Variants in ADAMTSL3 observed in about 807,000 individuals in gnomAD.
The protein encoded by ADAMTSL3 is ADAMTS-like protein 3.
ADAMTSL3 carries 128 observed loss-of-function variants against 201.7 expected under a neutral mutation model. The observed-to-expected ratio is 0.63, with a 90% confidence interval of 0.55 to 0.73. ADAMTSL3 has a LOEUF of 0.73. ADAMTSL3 is among the 30% of genes least tolerant of loss of function. The pLI, the probability that ADAMTSL3 is intolerant of heterozygous loss-of-function variation, is 0.00. For synonymous variants in ADAMTSL3, 738 were observed against 748.4 expected (o/e 0.99, Z 0.23); for missense variants, 1,990 against 2,119.6 (o/e 0.94, Z 1.20).
chr15:83,804,147 A>G (rs576597458), intron 4 of ADAMTSL3, among the ~76,000 whole-genome samples: 259 of 152,284 alleles, frequency 1.7e-3, no homozygotes, highest in African/African-American at 5.9e-3. Flanking sequence ...TGTCTCAAAA[A>G]AAAAAGGAAG....
chr15:83,776,035 A>C (rs952190101), intron 4 of ADAMTSL3, among the ~76,000 whole-genome samples: 2 of 152,074 alleles, frequency 1.3e-5, no homozygotes, highest in African/African-American at 4.8e-5. Flanking sequence ...TGCAACACCT[A>C]CTCTGCTTAC....
At chr15:83,925,727 G>C (rs553146613) in intron 17 of ADAMTSL3, among the ~76,000 whole-genome samples, 1 of 152,290 alleles carries the variant, frequency 6.6e-6, no homozygotes, top group Non-Finnish European at 1.5e-5. Context: ...TTGTGTAATG[G>C]CACGTAGTAA....
chr15:83,866,976 A>G (rs1389238516), intron 8 of ADAMTSL3, among the ~76,000 whole-genome samples: 1 of 152,196 alleles, frequency 6.6e-6, no homozygotes, highest in Non-Finnish European at 1.5e-5. Context: ...TATTTCTGAA[A>G]GTTATCCTTC....
intron 23 of ADAMTSL3, among the ~76,000 whole-genome samples, chr15:84,001,973 A>G (rs1416070018): frequency 6.6e-6 from 1 of 152,142 alleles, no homozygotes; most frequent in Non-Finnish European, 1.5e-5. Context: ...TTTGCCCCAA[A>G]TCTCTTTGGA....
intron 14 of ADAMTSL3, 102 bp from the exon 15 acceptor site, chr15:83,899,545 T>G: frequency 8.6e-7 from 1 of 1,163,856 alleles, no homozygotes; most frequent in East Asian, 2.6e-5. Flanking sequence ...TTGAAAAACA[T>G]GACCTCTTTA....
At chr15:84,018,326 A>G (rs2068125250) in intron 25 of ADAMTSL3, among the ~76,000 whole-genome samples, 1 of 152,242 alleles carries the variant, frequency 6.6e-6, no homozygotes, top group African/African-American at 2.4e-5. Flanking sequence ...TATTAATTTA[A>G]CAAATACTGC....
At chr15:83,774,848 A>T (rs116260989) in intron 4 of ADAMTSL3, among the ~76,000 whole-genome samples, 2,460 of 144,716 alleles carry the variant, frequency 0.017, 50 homozygotes, top group African/African-American at 0.058. Flanking sequence ...CAAGGGGAGG[A>T]GGCTTTTTTT....
chr15:83,947,518 G>A (rs899533852), intron 19 of ADAMTSL3, among the ~76,000 whole-genome samples: 4 of 152,184 alleles, frequency 2.6e-5, no homozygotes, highest in Non-Finnish European at 4.4e-5. Context: ...CTTCCCAAAT[G>A]GTGAATTTCT....
chr15:83,655,855 G>A, intron 2 of ADAMTSL3, 25 bp downstream of exon 2: 1 of 1,604,536 alleles, frequency 6.2e-7, no homozygotes, highest in Non-Finnish European at 8.5e-7. Context: ...GGAGGGGAAG[G>A]GAAATGGTGG....
At chr15:83,671,828 A>C (rs1381890955) in intron 2 of ADAMTSL3, among the ~76,000 whole-genome samples, 2 of 152,122 alleles carry the variant, frequency 1.3e-5, no homozygotes, top group Admixed American at 1.3e-4. Context: ...ATGCTTGCCT[A>C]GCTGTTTTTG....
intron 3 of ADAMTSL3, among the ~76,000 whole-genome samples, chr15:83,751,686 C>G (rs2062639343): frequency 6.6e-6 from 1 of 152,114 alleles, no homozygotes; most frequent in African/African-American, 2.4e-5. Context: ...CCCTTTGATG[C>G]AGCATCTTTA....
intron 5 of ADAMTSL3, 110 bp from the exon 6 acceptor site, chr15:83,819,701 G>A (rs2063827897): frequency 2.5e-6 from 2 of 795,778 alleles, no homozygotes; most frequent in Admixed American, 4.1e-5. Flanking sequence ...GTGACTCCCA[G>A]AGAGAGGCAA....
intron 3 of ADAMTSL3, among the ~76,000 whole-genome samples, chr15:83,771,035 C>T (rs1213209550): frequency 1.3e-5 from 2 of 152,110 alleles, no homozygotes; most frequent in South Asian, 2.1e-4. Flanking sequence ...CACATCACTG[C>T]ACTCCAGCCT....
At chr15:83,864,318 A>T (rs2064929618) in intron 8 of ADAMTSL3, among the ~76,000 whole-genome samples, 1 of 152,168 alleles carries the variant, frequency 6.6e-6, no homozygotes, top group Non-Finnish European at 1.5e-5. Flanking sequence ...CAAAAAAGAG[A>T]ATTTTAGACC....
intron 23 of ADAMTSL3, among the ~76,000 whole-genome samples, chr15:84,003,033 C>T (rs2067827263): frequency 6.8e-6 from 1 of 147,018 alleles, no homozygotes; most frequent in African/African-American, 2.5e-5. Context: ...TCATAGCTCA[C>T]TGCAGCCTCA....
chr15:83,780,110 C>G (rs1037159430), intron 4 of ADAMTSL3, among the ~76,000 whole-genome samples: 5 of 151,940 alleles, frequency 3.3e-5, no homozygotes, highest in African/African-American at 9.7e-5. Flanking sequence ...GACAAAAAAA[C>G]CATTCGAAAG....
chr15:83,865,806 T>G (rs1289374845), intron 8 of ADAMTSL3, among the ~76,000 whole-genome samples: 1 of 152,162 alleles, frequency 6.6e-6, no homozygotes, highest in Admixed American at 6.5e-5. Context: ...CAAAAGCAAC[T>G]ACCATCAGAG....
intron 16 of ADAMTSL3, among the ~76,000 whole-genome samples, chr15:83,918,393 A>C (rs772778673): frequency 6.6e-6 from 1 of 152,240 alleles, no homozygotes; most frequent in African/African-American, 2.4e-5. Flanking sequence ...TCACACATAT[A>C]TAGAATTACC....
intron 2 of ADAMTSL3, among the ~76,000 whole-genome samples, chr15:83,656,133 G>C (rs971276601): frequency 6.6e-6 from 1 of 152,182 alleles, no homozygotes; most frequent in Non-Finnish European, 1.5e-5. Flanking sequence ...CTGTCTGCAT[G>C]TGCCCAGCAG....
Sources: gnomAD v4.1 joint callset for allele counts (sites outside exome capture counted in the v4.1 genomes callset) on GRCh38, gnomAD v4.1.1 for gene constraint, MANE v1.5 for transcripts, NCBI Gene and HGNC (gene_info 2026-07-23, HGNC 2026-07-21) for gene names.